ECHDC1: variants seen among roughly 807,000 people sequenced by gnomAD.
ECHDC1 encodes the protein ethylmalonyl-CoA decarboxylase 1.
In ECHDC1, 29 loss-of-function variants were observed where a neutral mutation model predicts 29.7. That is an observed-to-expected ratio of 0.98 (90% CI 0.73 to 1.33). The LOEUF (loss-of-function observed/expected upper bound fraction) is 1.33, where lower values mean the gene tolerates loss of function less well. Among genes scored for constraint, ECHDC1 ranks in the 40% most tolerant of loss-of-function variants. The probability of loss-of-function intolerance (pLI) is 0.00; values close to 1 mark genes in which losing one functional copy is unlikely to be tolerated. For missense variants in ECHDC1, 328 were observed against 350.0 expected (o/e 0.94, Z 0.50); for synonymous variants, 126 against 123.1 (o/e 1.02, Z -0.15).
intron 1 of ECHDC1, among the ~76,000 whole-genome samples, chr6:127,342,090 C>T (rs1371534844): frequency 6.6e-6 from 1 of 152,230 alleles, no homozygotes; most frequent in African/African-American, 2.4e-5. Context: ...TTTTGTCTTC[C>T]TCAGAGTAAC....
chr6:127,322,417 T>C (rs1251416045), intron 3 of ECHDC1, among the ~76,000 whole-genome samples: 2 of 152,162 alleles, frequency 1.3e-5, no homozygotes, highest in Admixed American at 6.5e-5. Flanking sequence ...GACTGACAGA[T>C]GTATACAGCA....
rs753334053 is a variant in ECHDC1 at position 127,327,109 on chromosome 6, CA to C, written c.255del (p.Ile85MetfsTer27). On this transcript the variant is annotated frameshift_variant, in exon 3 of 6. Transcript: ENST00000454859. LOFTEE classifies it high-confidence loss of function. ...VMMLQLLEKV[I>X]ELENWTEGKG... ...TTCCCCTCTGTCCAATTTTCCAATT[CA>C]ATTACTTTTTCCAGAAGTTGTAGCA... 1.2e-6 allele frequency: 2 copies of C among 1,613,924 alleles called. No individual in the cohort carries two copies. The highest frequency in any genetic ancestry group is 2.2e-5 in the South Asian group (2 of 91,056).
intron 3 of ECHDC1, among the ~76,000 whole-genome samples, chr6:127,325,335 C>G (rs1422394005): frequency 1.3e-5 from 2 of 152,154 alleles, no homozygotes; most frequent in Admixed American, 1.3e-4. Flanking sequence ...GCTAAAGGTA[C>G]TGTGGTGTCC....
At chr6:127,315,301 A>C in intron 4 of ECHDC1, 1 of 353,098 alleles carries the variant, frequency 2.8e-6, no homozygotes, top group South Asian at 2.2e-5. Flanking sequence ...TATCAGGTTA[A>C]AAGTTGGAAA....
At chr6:127,320,147 A>G (rs1782723805) in intron 3 of ECHDC1, among the ~76,000 whole-genome samples, 1 of 152,056 alleles carries the variant, frequency 6.6e-6, no homozygotes, top group Non-Finnish European at 1.5e-5. Context: ...CCTTCTGAGT[A>G]GCTGGGATTA....
At chr6:127,321,420 G>T (rs951720911) in intron 3 of ECHDC1, among the ~76,000 whole-genome samples, 2 of 152,130 alleles carry the variant, frequency 1.3e-5, no homozygotes, top group African/African-American at 4.8e-5. Context: ...GCCATTTTAA[G>T]TTTCAGCTTT....
intron 2 of ECHDC1, among the ~76,000 whole-genome samples, chr6:127,330,485 A>G (rs1435847558): frequency 1.3e-5 from 2 of 152,224 alleles, no homozygotes; most frequent in African/African-American, 4.8e-5. Context: ...CTTGTTTCCT[A>G]GTAGCATTAG....
chr6:127,308,666 A>G (rs1055420481), intron 5 of ECHDC1, among the ~76,000 whole-genome samples: 1 of 152,246 alleles, frequency 6.6e-6, no homozygotes, highest in African/African-American at 2.4e-5. Flanking sequence ...GTAATCAGAC[A>G]AGAAAAAGAT....
chr6:127,330,749 A>C, intron 2 of ECHDC1, 60 bp downstream of exon 2: 1 of 1,444,644 alleles, frequency 6.9e-7, no homozygotes, highest in South Asian at 1.2e-5. Context: ...AGGATAAAAA[A>C]ACTTGTGATA....
chr6:127,319,198 C>T (rs987460742), intron 3 of ECHDC1, among the ~76,000 whole-genome samples: 2 of 152,198 alleles, frequency 1.3e-5, no homozygotes, highest in Admixed American at 6.5e-5. Flanking sequence ...AGCACAGTTT[C>T]TAAAGCCAAT....
At chr6:127,342,281 A>G in intron 1 of ECHDC1, 2 of 1,452,054 alleles carry the variant, frequency 1.4e-6, no homozygotes, top group Non-Finnish European at 1.8e-6. Context: ...AATATTCTTA[A>G]GACTAAACAG....
intron 5 of ECHDC1, among the ~76,000 whole-genome samples, chr6:127,296,900 G>A (rs1780645950): frequency 6.6e-6 from 1 of 152,242 alleles, no homozygotes; most frequent in African/African-American, 2.4e-5. Context: ...AGTTACTCCG[G>A]AGGCTGAGGT....
rs1002169808 is a variant in ECHDC1 at position 127,289,188 on chromosome 6, T to C, written c.*681A>G. Reference sequence around the variant, plus strand: ...AAACTACATCAACAGTAGTTGTTTATTACTAGTTGGAAATTCCAGGGCACA... The same window carrying C: ...AAACTACATCAACAGTAGTTGTTTACTACTAGTTGGAAATTCCAGGGCACA... On this transcript the variant is annotated 3_prime_UTR_variant, in exon 6 of 6. Coordinates refer to ENST00000454859, the MANE Select transcript of ECHDC1 (RefSeq NM_001002030.2). The C allele has an allele frequency of 1.3e-5, 2 of 152,080 alleles. No individual in the cohort carries two copies. Among genetic ancestry groups the C allele is most frequent in the African/African-American group, 4.8e-5 (2 of 41,432 alleles). 9.4% of individuals were successfully genotyped at this position (152,080 alleles called of 1,614,324 possible).
intron 5 of ECHDC1, among the ~76,000 whole-genome samples, chr6:127,293,086 G>A (rs911201265): frequency 2.6e-5 from 4 of 152,066 alleles, no homozygotes; most frequent in Non-Finnish European, 5.9e-5. Flanking sequence ...CATAACTGGG[G>A]AAAGAGTTAC....
In ECHDC1 at chr6:127,327,092, T is replaced by C; in HGVS notation, c.273A>G (p.Thr91=). ...CACGGACAATGAGGCCTTTCCCCTCTGTCCAATTTTCCAATTCAATTACTT... is the reference window on the plus strand; with the variant it reads ...CACGGACAATGAGGCCTTTCCCCTCCGTCCAATTTTCCAATTCAATTACTT... The part of the protein sequence containing the change: ...LEKVIELENW[T]EGKGLIVRGA... Residue 91 remains threonine (T), a synonymous_variant, in exon 3 of 6, where the codon ACA becomes ACG. Transcript: ENST00000454859. 1 of 1,614,086 alleles carries C rather than the reference T, an allele frequency of 6.2e-7. No individual in the cohort carries two copies. The highest frequency in any genetic ancestry group is 1.3e-5 in the African/African-American group (1 of 75,058).
At chr6:127,330,785 T>G in intron 2 of ECHDC1, 24 bp downstream of exon 2, 1 of 1,588,894 alleles carries the variant, frequency 6.3e-7, no homozygotes, top group Non-Finnish European at 8.6e-7. Flanking sequence ...TGTCATTCTT[T>G]AGGAATAAAA....
Position 127,288,880 on chromosome 6 carries a change from G to GTTA in ECHDC1, c.*986_*988dup, listed in dbSNP as rs1465769604. On this transcript the variant is annotated 3_prime_UTR_variant, in exon 6 of 6. Transcript: ENST00000454859. The stretch of plus-strand genomic sequence containing the variant: ...GATCATGATGGTAAGGCAAATGCAA[G>GTTA]TTATTTTTACCATGATTCTCAAATG... 49 of 152,018 alleles carry GTTA rather than the reference G, an allele frequency of 3.2e-4. No homozygotes were observed. Among genetic ancestry groups the GTTA allele is most frequent in the African/African-American group, 1.2e-3 (49 of 41,416 alleles). 9.4% of individuals were successfully genotyped at this position (152,018 alleles called of 1,614,324 possible).
At chr6:127,341,969 C>T (rs1009716761) in intron 1 of ECHDC1, among the ~76,000 whole-genome samples, 1 of 152,208 alleles carries the variant, frequency 6.6e-6, no homozygotes, top group Non-Finnish European at 1.5e-5. Flanking sequence ...CATTACATGC[C>T]ACCCACAACT....
chr6:127,312,738 A>G (rs1477610258), intron 5 of ECHDC1, among the ~76,000 whole-genome samples: 1 of 152,222 alleles, frequency 6.6e-6, no homozygotes, highest in Non-Finnish European at 1.5e-5. Flanking sequence ...AAGCAATACT[A>G]CTAAGCAATA....
Sources: allele counts gnomAD v4.1 joint callset (sites outside exome capture counted in the v4.1 genomes callset), GRCh38; gene constraint gnomAD v4.1.1; transcripts MANE v1.5; gene names NCBI Gene and HGNC (gene_info 2026-07-23, HGNC 2026-07-21).